Variants in KIF5B observed in about 807,000 individuals in gnomAD.
The protein encoded by KIF5B is kinesin family member 5B.
In KIF5B, 49 loss-of-function variants were observed where a neutral mutation model predicts 132.8. That is an observed-to-expected ratio of 0.37 (90% CI 0.29 to 0.47). The LOEUF is 0.47. Ranked by LOEUF, KIF5B falls within the 20% of genes least tolerant of loss-of-function variation. The pLI is 1.00. For missense variants in KIF5B, 780 were observed against 1,144.0 expected, an observed-to-expected ratio of 0.68 and a Z score of 4.59; for synonymous variants, 355 against 369.4, an observed-to-expected ratio of 0.96 and a Z score of 0.45.
chr10:32,046,274 G>A lies in KIF5B; in HGVS notation c.214+2190C>T, dbSNP rs190620373. Among the ~76,000 whole-genome samples, 22 of 152,290 alleles carry A rather than the reference G, an allele frequency of 1.4e-4. No individual in the cohort carries two copies. In the East Asian group the frequency reaches 3.5e-3, roughly 24 times the overall value. On this transcript the variant is annotated intron_variant, in intron 2 of 25. Transcript: ENST00000302418. ...TAATGTAATCTTAAACTGTACTGAT[G>A]AGACAGAAGTATGTCTCAATCAAAG... is the stretch of plus-strand genomic sequence containing the variant.
rs990213101 is a variant in KIF5B at position 32,048,522 on chromosome 10, G to A, written c.156C>T (p.Phe52=). ...CTTGCTCTTGAGATGTGCTTGACTG[G>A]AACACCCGATCAAATGCATAAGGCT... ...ASKPYAFDRV[F]QSSTSQEQVY... The change falls in exon 2 of 26, where the codon TTC becomes TTT. Residue 52 remains phenylalanine, a synonymous_variant. Coordinates refer to ENST00000302418, the MANE Select transcript of KIF5B (RefSeq NM_004521.3). 2.3e-5 allele frequency: 37 copies of A among 1,613,518 alleles called. No individual in the cohort carries two copies. Among genetic ancestry groups the A allele is most frequent in the Non-Finnish European group, 3.1e-5 (37 of 1,179,788 alleles).
intron 14 of KIF5B, among the ~76,000 whole-genome samples, chr10:32,029,622 C>A (rs1190521822): frequency 6.6e-6 from 1 of 152,148 alleles, no homozygotes; most frequent in Non-Finnish European, 1.5e-5. Context: ...TTACCAGACA[C>A]TCTCTAACTG....
intron 2 of KIF5B, among the ~76,000 whole-genome samples, chr10:32,047,973 G>A (rs1762825627): frequency 6.6e-6 from 1 of 152,172 alleles, no homozygotes; most frequent in South Asian, 2.1e-4. Context: ...TCTTGTATAA[G>A]TTATAGTATT....
At chr10:32,050,793 T>G (rs1020485227) in intron 1 of KIF5B, among the ~76,000 whole-genome samples, 2 of 152,218 alleles carry the variant, frequency 1.3e-5, no homozygotes, top group Non-Finnish European at 2.9e-5. Context: ...TAACATTCAA[T>G]TCTACAGGTG....
intron 2 of KIF5B, among the ~76,000 whole-genome samples, 197 bp from the exon 3 acceptor site, chr10:32,040,654 CACA>C (rs1227787950): frequency 1.0e-4 from 15 of 149,792 alleles, no homozygotes; most frequent in Non-Finnish European, 1.8e-4. Flanking sequence ...CACACACACA[CACA>C]CCCTCTTCCT....
chr10:32,009,339 T>C lies in KIF5B; in HGVS notation c.*2198A>G, dbSNP rs1478265439. 1 of 152,202 alleles carries C rather than the reference T, an allele frequency of 6.6e-6. No homozygotes were observed. The highest frequency in any genetic ancestry group is 1.9e-4 in the East Asian group (1 of 5,200). 9.4% of individuals were successfully genotyped at this position (152,202 alleles called of 1,614,324 possible). ...TCAATGCCATTCAGAGGAACGTTAA[T>C]ATATCCAGTCAAAAAGACACTGCAA... On this transcript the variant is annotated 3_prime_UTR_variant, in exon 26 of 26. Transcript: ENST00000302418.
At position 32,031,265 on chromosome 10, in the gene KIF5B, G is replaced by A. The variant is rs1166576131; in HGVS notation, c.1389C>T (p.Thr463=). The part of the protein sequence containing the change: ...MLDQEELLAS[T]RRDQDNMQAE... ...CTTGCATATTGTCTTGATCCCTTCTGGTAGATGCCAAAAGCTATAGGACAG... is the reference window on the plus strand; with the variant it reads ...CTTGCATATTGTCTTGATCCCTTCTAGTAGATGCCAAAAGCTATAGGACAG... Residue 463 remains threonine (T), a synonymous_variant, in exon 14 of 26, where the codon ACC becomes ACT. Coordinates refer to ENST00000302418, the MANE Select transcript of KIF5B (RefSeq NM_004521.3). 3 of 1,613,502 alleles carry A rather than the reference G, an allele frequency of 1.9e-6. No homozygotes were observed. Among genetic ancestry groups the A allele is most frequent in the Non-Finnish European group, 2.5e-6 (3 of 1,179,698 alleles).
chr10:32,040,961 C>A (rs143147136), intron 2 of KIF5B, among the ~76,000 whole-genome samples: 1 of 146,002 alleles, frequency 6.8e-6, no homozygotes, highest in African/African-American at 2.6e-5. Context: ...GCACTCCAGT[C>A]TGGGTGACAG....
intron 15 of KIF5B, among the ~76,000 whole-genome samples, chr10:32,025,997 T>C (rs1174782927): frequency 6.6e-6 from 1 of 152,156 alleles, no homozygotes; most frequent in Non-Finnish European, 1.5e-5. Context: ...GCAAAAACAC[T>C]GGGAATTTGT....
chr10:32,028,649 G>A, intron 14 of KIF5B, 78 bp from the exon 15 acceptor site: 1 of 1,232,246 alleles, frequency 8.1e-7, no homozygotes, highest in Admixed American at 2.2e-5. Context: ...GGTGTTTCAA[G>A]TTTTACACCA....
At chr10:32,022,716 A>C (rs1841280664) in intron 16 of KIF5B, 132 bp downstream of exon 16, 1 of 590,116 alleles carries the variant, frequency 1.7e-6, no homozygotes, top group South Asian at 2.7e-5. Context: ...ATTCAAATTT[A>C]CTGCAGCTAG....
intron 19 of KIF5B, among the ~76,000 whole-genome samples, chr10:32,020,341 A>C (rs1841242046): frequency 6.6e-6 from 1 of 152,038 alleles, no homozygotes; most frequent in Non-Finnish European, 1.5e-5. Context: ...ATGGTTATGG[A>C]GGCAGGGAAA....
intron 10 of KIF5B, 144 bp from the exon 11 acceptor site, chr10:32,034,982 A>G: frequency 1.9e-6 from 1 of 524,590 alleles, no homozygotes. Flanking sequence ...GCAACATATG[A>G]CGTTATTTAC....
In KIF5B at chr10:32,015,533, A is replaced by G; in HGVS notation, c.2888T>C (p.Val963Ala). Residue 963 changes from valine (V) to alanine (A), a missense_variant, in exon 25 of 26, where the codon GTG becomes GCG. By Grantham distance (64) the Val-to-Ala change is moderately conservative. Coordinates refer to ENST00000302418, the MANE Select transcript of KIF5B (RefSeq NM_004521.3). ...CCTGTGGGTATGTATAAACGATTAC[A>G]CTTGTTTGCCTCCTCCACCTCGCAC... ...VAVRGGGGKQ[V>A] is the part of the protein sequence containing the mutation. 2 of 1,609,386 alleles carry G rather than the reference A, an allele frequency of 1.2e-6. No individual in the cohort carries two copies. Among genetic ancestry groups the G allele is most frequent in the Non-Finnish European group, 1.7e-6 (2 of 1,178,160 alleles).
chr10:32,032,687 T>C lies in KIF5B; in HGVS notation c.1374+19A>G. The C allele has an allele frequency of 6.3e-7, 1 of 1,590,486 alleles. No homozygotes were observed. Among genetic ancestry groups the C allele is most frequent in the South Asian group, 1.1e-5 (1 of 90,624 alleles). On this transcript the variant is annotated intron_variant, in intron 13 of 25. Transcript: ENST00000302418. The stretch of plus-strand genomic sequence containing the variant: ...CTATAAAGCTTTTCTGGAAGCAATG[T>C]AAAAGGTATTCAACTCACCTCCTCC...
At position 32,040,430 on chromosome 10, in the gene KIF5B, A is replaced by G; in HGVS notation, c.242T>C (p.Ile81Thr). ...KDVLEGYNGT[I>T]FAYGQTSSGK... ...AGAGGATGTTTGTCCATATGCAAAT[A>G]TTGTTCCATTATATCCTTCAAGTAC... The change falls in exon 3 of 26, where the codon ATA (isoleucine) becomes ACA (threonine). Residue 81 changes from isoleucine (I) to threonine (T), a missense_variant. Transcript: ENST00000302418. The G allele has an allele frequency of 6.3e-7, 1 of 1,599,050 alleles. No homozygotes were observed. Among genetic ancestry groups the G allele is most frequent in the Non-Finnish European group, 8.6e-7 (1 of 1,166,472 alleles).
At chr10:32,036,966 TCTA>T (rs1196505854) in intron 8 of KIF5B, among the ~76,000 whole-genome samples, 1 of 148,862 alleles carries the variant, frequency 6.7e-6, no homozygotes, top group Admixed American at 6.7e-5. Context: ...AAAAGGGATA[TCTA>T]ATAAAGTTTA....
rs773331290 is a variant in KIF5B, at chr10:32,031,062, C to T, written c.1581+11G>A. 6.3e-7 allele frequency: 1 copy of T among 1,590,864 alleles called. No homozygotes were observed. The highest frequency in any genetic ancestry group is 8.6e-7 in the Non-Finnish European group (1 of 1,161,036). The stretch of plus-strand genomic sequence containing the variant: ...TAAAGCATTAAAAAAGAAAATAAAA[C>T]TATATCCTACCGATTTCTGATTCAA... On this transcript the variant is annotated intron_variant, in intron 14 of 25. Transcript: ENST00000302418.
intron 15 of KIF5B, among the ~76,000 whole-genome samples, chr10:32,028,113 G>A (rs533840539): frequency 2.0e-5 from 3 of 152,052 alleles, no homozygotes; most frequent in South Asian, 2.1e-4. Flanking sequence ...ACAGGCACAC[G>A]CCACCATGCC....
Sources: allele counts gnomAD v4.1 joint callset (sites outside exome capture counted in the v4.1 genomes callset), GRCh38; gene constraint gnomAD v4.1.1; transcripts MANE v1.5; gene names NCBI Gene and HGNC (gene_info 2026-07-23, HGNC 2026-07-21).